Variants in SPIDR observed in about 807,000 individuals in gnomAD.
The protein encoded by SPIDR is DNA repair-scaffolding protein.
In SPIDR, 93 loss-of-function variants were observed where a neutral mutation model predicts 104.6. The observed-to-expected ratio is 0.89, with a 90% CI of 0.75 to 1.06. The LOEUF (loss-of-function observed/expected upper bound fraction) is 1.06. Ranked by LOEUF, SPIDR falls within the 50% of genes least tolerant of loss-of-function variation. The pLI is 0.00. For synonymous variants in SPIDR, 431 were observed against 416.9 expected (o/e 1.03, Z -0.41); for missense variants, 1,154 against 1,111.2 (o/e 1.04, Z -0.55).
rs1043866798 is a variant in SPIDR, at chr8:47,503,018, C to G, written c.1097+62476C>G. On this transcript the variant is annotated intron_variant, in intron 8 of 19. Coordinates refer to ENST00000297423, the MANE Select transcript of SPIDR (RefSeq NM_001080394.4). ...TCTGAGAGAGAGTTTGTTATAATTTCTCTTCTTTTACATTTGCTGAGGAGT... is the reference window on the plus strand; with the variant it reads ...TCTGAGAGAGAGTTTGTTATAATTTGTCTTCTTTTACATTTGCTGAGGAGT... Among the ~76,000 whole-genome samples the G allele has an allele frequency of 1.8e-4, 28 of 152,290 alleles. 1 individual carries two copies. The highest frequency in any genetic ancestry group is 1.4e-3 in the South Asian group (7 of 4,830).
At chr8:47,525,163 A>G (rs927103357) in intron 8 of SPIDR, among the ~76,000 whole-genome samples, 1 of 152,218 alleles carries the variant, frequency 6.6e-6, no homozygotes. Flanking sequence ...GTACAGAGCA[A>G]ACTTCAGCTA....
intron 8 of SPIDR, among the ~76,000 whole-genome samples, chr8:47,507,023 G>A (rs1045858101): frequency 2.0e-5 from 3 of 152,152 alleles, no homozygotes; most frequent in African/African-American, 7.2e-5. Context: ...AGTGAGACAA[G>A]CATTCATAGG....
intron 2 of SPIDR, among the ~76,000 whole-genome samples, chr8:47,282,582 A>G (rs1402067420): frequency 1.3e-5 from 2 of 152,270 alleles, no homozygotes; most frequent in African/African-American, 4.8e-5. Context: ...GAAGAGAGTT[A>G]GGACCTTGCT....
At chr8:47,688,836 G>T (rs1392830414) in intron 11 of SPIDR, among the ~76,000 whole-genome samples, 1 of 152,078 alleles carries the variant, frequency 6.6e-6, no homozygotes, top group Non-Finnish European at 1.5e-5. Flanking sequence ...CCATTATTTG[G>T]TACACTTAGG....
At position 47,359,771 on chromosome 8, in the gene SPIDR, G is replaced by A. The variant is rs923892589; in HGVS notation, c.526-36605G>A. ...ACTCAAGAATATATCATAATTAGTGGTTTTCATTTTGGAATGTGCTGCCAG... is the reference window on the plus strand; with the variant it reads ...ACTCAAGAATATATCATAATTAGTGATTTTCATTTTGGAATGTGCTGCCAG... On this transcript the variant is annotated intron_variant, in intron 5 of 19. Coordinates refer to ENST00000297423, the MANE Select transcript of SPIDR (RefSeq NM_001080394.4). Among the ~76,000 whole-genome samples the A allele has an allele frequency of 9.9e-5, 15 of 152,238 alleles. No individual in the cohort carries two copies. The East Asian group carries it at 1.2e-3, about 12-fold the overall frequency.
At chr8:47,652,422 G>A (rs2071829222) in intron 10 of SPIDR, among the ~76,000 whole-genome samples, 1 of 152,212 alleles carries the variant, frequency 6.6e-6, no homozygotes, top group African/African-American at 2.4e-5. Flanking sequence ...CAGGCAGCAG[G>A]AGGATGTCAG....
At chr8:47,718,009 A>G (rs1027442921) in intron 16 of SPIDR, among the ~76,000 whole-genome samples, 1 of 152,160 alleles carries the variant, frequency 6.6e-6, no homozygotes, top group African/African-American at 2.4e-5. Flanking sequence ...TCCTTAATCA[A>G]AAACAGCTGC....
At chr8:47,456,291 C>T (rs2072954054) in intron 8 of SPIDR, among the ~76,000 whole-genome samples, 1 of 152,090 alleles carries the variant, frequency 6.6e-6, no homozygotes, top group South Asian at 2.1e-4. Flanking sequence ...CATGTGGGGA[C>T]ACAGTGAGAG....
intron 5 of SPIDR, among the ~76,000 whole-genome samples, chr8:47,351,654 A>G (rs2053527009): frequency 6.6e-6 from 1 of 152,216 alleles, no homozygotes; most frequent in Admixed American, 6.5e-5. Context: ...CCATGGACCA[A>G]AAATATTTGG....
intron 5 of SPIDR, among the ~76,000 whole-genome samples, chr8:47,345,627 C>T (rs537141245): frequency 5.9e-5 from 9 of 152,156 alleles, no homozygotes; most frequent in Non-Finnish European, 1.2e-4. Context: ...TTTGTGTCCT[C>T]TTTTATTTCA....
chr8:47,595,800 C>T lies in SPIDR; in HGVS notation c.1098-11C>T, dbSNP rs775503906. 3 of 1,612,850 alleles carry T rather than the reference C, an allele frequency of 1.9e-6. No individual in the cohort carries two copies. The highest frequency in any genetic ancestry group is 2.5e-6 in the Non-Finnish European group (3 of 1,179,476). On this transcript the variant is annotated splice_polypyrimidine_tract_variant and intron_variant, in intron 8 of 19. Transcript: ENST00000297423. ...TGCAAAGAAACTGTTGCATGTCTTT[C>T]TCTTTTCCAGGCAAAAACTGATTAT...
intron 7 of SPIDR, among the ~76,000 whole-genome samples, chr8:47,419,668 G>A (rs200871789): frequency 2.6e-5 from 4 of 151,944 alleles, no homozygotes; most frequent in Non-Finnish European, 4.4e-5. Flanking sequence ...TAGCTGTTGA[G>A]TGTGTTTGCT....
In SPIDR at chr8:47,326,402, C is replaced by A. The variant is rs191463667; in HGVS notation, c.525+32372C>A. On this transcript the variant is annotated intron_variant, in intron 5 of 19. Coordinates refer to ENST00000297423, the MANE Select transcript of SPIDR (RefSeq NM_001080394.4). ...CCACGTACATACACATCTTTAGCAA[C>A]ATCCAGTTTGTTACCAGGTCTCTCA... 2.8e-3 allele frequency among the ~76,000 whole-genome samples: 419 copies of A among 152,318 alleles called. 1 individual carries two copies. The highest frequency in any genetic ancestry group is 9.8e-3 in the African/African-American group (409 of 41,572).
chr8:47,660,041 GAGCC>G (rs2073844407), intron 10 of SPIDR, among the ~76,000 whole-genome samples: 1 of 152,204 alleles, frequency 6.6e-6, no homozygotes, highest in Admixed American at 6.5e-5. Context: ...CTATGAAACT[GAGCC>G]AGTGAATGAA....
At chr8:47,503,990 C>G (rs2081025165) in intron 8 of SPIDR, among the ~76,000 whole-genome samples, 1 of 152,240 alleles carries the variant, frequency 6.6e-6, no homozygotes, top group South Asian at 2.1e-4. Flanking sequence ...TGTAGAGTTT[C>G]TGCCGAGAGA....
intron 8 of SPIDR, among the ~76,000 whole-genome samples, chr8:47,476,088 A>C (rs1310976098): frequency 6.6e-6 from 1 of 152,206 alleles, no homozygotes; most frequent in Non-Finnish European, 1.5e-5. Flanking sequence ...CCATTGTAAC[A>C]CAAAAGTTAA....
chr8:47,522,967 GCTTT>G (rs889920682), intron 8 of SPIDR, among the ~76,000 whole-genome samples: 41 of 151,470 alleles, frequency 2.7e-4, no homozygotes, highest in African/African-American at 7.5e-4. Context: ...TGTGTGGTTT[GCTTT>G]CTTTCTTTCT....
chr8:47,661,652 C>G (rs1043592491), intron 10 of SPIDR, among the ~76,000 whole-genome samples: 1 of 152,232 alleles, frequency 6.6e-6, no homozygotes, highest in Non-Finnish European at 1.5e-5. Context: ...GGTTGTCTTG[C>G]AGAGCACAAC....
At chr8:47,525,707 A>G (rs770180613) in intron 8 of SPIDR, among the ~76,000 whole-genome samples, 11 of 151,702 alleles carry the variant, frequency 7.3e-5, no homozygotes, top group Non-Finnish European at 1.5e-4. Flanking sequence ...CAGCTCAGGC[A>G]GGAGAATCGC....
Sources: gnomAD v4.1 joint callset for allele counts (sites outside exome capture counted in the v4.1 genomes callset) on GRCh38, gnomAD v4.1.1 for gene constraint, MANE v1.5 for transcripts, NCBI Gene and HGNC (gene_info 2026-07-23, HGNC 2026-07-21) for gene names.